The following MOV10 variants were observed in gnomAD, a reference collection of about 807,000 sequenced individuals.
MOV10 encodes Mov10 RNA helicase.
Under a neutral mutation model 108.4 loss-of-function variants are expected in MOV10, and 39 were observed. The observed-to-expected ratio is 0.36, with a 90% CI of 0.28 to 0.47. MOV10 has a LOEUF of 0.47. Among genes scored for constraint, MOV10 ranks in the 20% least tolerant of loss-of-function variants. The pLI, the probability that MOV10 is intolerant of heterozygous loss-of-function variation, is 1.00. For synonymous variants in MOV10, 490 were observed against 523.1 expected, an observed-to-expected ratio of 0.94 and a Z score of 0.86; for missense variants, 952 against 1,297.6, an observed-to-expected ratio of 0.73 and a Z score of 4.09.
chr1:112,692,288 A>G lies in MOV10; in HGVS notation c.972-473A>G, dbSNP rs143578103. Among the ~76,000 whole-genome samples, 334 of 152,322 alleles carry G rather than the reference A, an allele frequency of 2.2e-3. 2 individuals carry two copies. Among genetic ancestry groups the G allele is most frequent in the African/African-American group, 7.0e-3 (291 of 41,574 alleles). ...TTGAGGACACAGTGAGTGAGCCCAGATCATGCCACTGCACTCCAGCATGGG... is the reference window on the plus strand; with the variant it reads ...TTGAGGACACAGTGAGTGAGCCCAGGTCATGCCACTGCACTCCAGCATGGG... On this transcript the variant is annotated intron_variant, in intron 6 of 20. Coordinates refer to ENST00000369645, the MANE Select transcript of MOV10 (RefSeq NM_001321324.2).
chr1:112,675,083 G>C lies in MOV10; in HGVS notation c.137+34G>C. 3 of 1,570,862 alleles carry C rather than the reference G, an allele frequency of 1.9e-6. No individual in the cohort carries two copies. The highest frequency in any genetic ancestry group is 1.4e-5 in the African/African-American group (1 of 71,140). ...CGGCCCACTCCCGGCCCCGAATCGC[G>C]GGCCCAGCTTGCTGCCACGACCCCC... On this transcript the variant is annotated intron_variant, in intron 2 of 20. Transcript: ENST00000369645. This position sits in a 1 kb window ranked among gnomAD's most constrained non-coding sequence, Gnocchi z 4.7.
rs555538455 is a variant in MOV10 at position 112,689,985 on chromosome 1, C to G, written c.723C>G (p.Val241=). The change falls in exon 5 of 21, where the codon GTC becomes GTG. Residue 241 remains valine, a synonymous_variant. Coordinates refer to ENST00000369645, the MANE Select transcript of MOV10 (RefSeq NM_001321324.2). ...TFYIARFLAA[V]AHSPLAAQLK... ...ACATTGCCCGCTTCTTGGCTGCCGT[C>G]GCCCACAGCCCCCTGGCTGCACAGC... The G allele has an allele frequency of 1.2e-6, 2 of 1,614,130 alleles. No individual in the cohort carries two copies. Among genetic ancestry groups the G allele is most frequent in the Non-Finnish European group, 1.7e-6 (2 of 1,180,048 alleles).
At chr1:112,693,687 T>TA (rs57738248) in intron 7 of MOV10, 6,055 of 137,406 alleles carry the variant, frequency 0.044, 618 homozygotes, top group African/African-American at 0.13. Flanking sequence ...TTTTTTTTTT[T>TA]AATTATTTTT....
At chr1:112,685,461 C>T (rs913018540) in intron 2 of MOV10, among the ~76,000 whole-genome samples, 31 of 151,798 alleles carry the variant, frequency 2.0e-4, no homozygotes, top group African/African-American at 3.6e-4. Context: ...TTGAGACCAT[C>T]CTGGCTAACA....
At position 112,694,733 on chromosome 1, in the gene MOV10, CTG is replaced by C. The variant is rs766044537; in HGVS notation, c.1473-15_1473-14del. On this transcript the variant is annotated splice_polypyrimidine_tract_variant and intron_variant, in intron 9 of 20. Transcript: ENST00000369645. The surrounding 1 kb of genome is among the most constrained non-coding windows in gnomAD (Gnocchi z 4.1). ...ACTGGATGACTTCAAGTTCACATTC[CTG>C]GTCCCTCTGCCAGGCTGTACGACCG... 6.8e-6 allele frequency: 11 copies of C among 1,612,920 alleles called. No individual in the cohort carries two copies. In the South Asian group the frequency reaches 1.1e-4, roughly 16 times the overall value.
chr1:112,679,204 C>T (rs1305890278), intron 2 of MOV10, among the ~76,000 whole-genome samples: 2 of 152,014 alleles, frequency 1.3e-5, no homozygotes, highest in Non-Finnish European at 1.5e-5. Context: ...ACAGCAGGGG[C>T]GGCCTAAGGC....
In MOV10 at chr1:112,679,014, A is replaced by T. The variant is rs184863083; in HGVS notation, c.137+3965A>T. Among the ~76,000 whole-genome samples, 236 of 152,182 alleles carry T rather than the reference A, an allele frequency of 1.6e-3. 2 individuals carry two copies. Among genetic ancestry groups the T allele is most frequent in the Non-Finnish European group, 1.5e-3 (104 of 68,018 alleles). On this transcript the variant is annotated intron_variant, in intron 2 of 20. Transcript: ENST00000369645. ...TTTTATTCTATTTTATTTCAATTTT[A>T]TAAAAACCCTGGCTTTGACCCGCTA...
intron 14 of MOV10, 88 bp from the exon 15 acceptor site, chr1:112,697,906 G>T: frequency 1.9e-6 from 2 of 1,067,696 alleles, no homozygotes; most frequent in Non-Finnish European, 2.9e-6. Flanking sequence ...AGGCTATTGT[G>T]TGTGGGCCCA....
Position 112,694,602 on chromosome 1 carries a change from C to T in MOV10, c.1445C>T (p.Pro482Leu), listed in dbSNP as rs751402225. ...TTTCCTGTGGCACCTCGGGACGTCC[C>T]GCTGCTGCCCTCAGATGTGAAACTC... ...MLFPVAPRDVPLLPSDVKLKL... is the reference protein window; with the variant it reads ...MLFPVAPRDVLLLPSDVKLKL... The change falls in exon 9 of 21, where the codon CCG (proline) becomes CTG (leucine). Residue 482 changes from proline (P) to leucine (L), a missense_variant. This residue lies in a region of MOV10 where 453 missense variants were observed against 611.5 expected (regional missense o/e 0.74). Transcript: ENST00000369645. This position sits in a 1 kb window ranked among gnomAD's most constrained non-coding sequence, Gnocchi z 4.1. The T allele has an allele frequency of 1.4e-5, 23 of 1,608,392 alleles. No individual in the cohort carries two copies. Among genetic ancestry groups the T allele is most frequent in the African/African-American group, 4.0e-5 (3 of 74,866 alleles).
intron 2 of MOV10, among the ~76,000 whole-genome samples, chr1:112,677,623 A>G (rs1672297544): frequency 6.6e-6 from 1 of 152,136 alleles, no homozygotes; most frequent in African/African-American, 2.4e-5. Context: ...CTAGCCACGC[A>G]AATGCTAGAT....
intron 6 of MOV10, among the ~76,000 whole-genome samples, chr1:112,692,101 A>G (rs927180395): frequency 6.6e-6 from 1 of 152,174 alleles, no homozygotes; most frequent in Admixed American, 6.5e-5. Context: ...AGGCCGAGGC[A>G]GGTGGATCAT....
chr1:112,700,670 T>C lies in MOV10; in HGVS notation c.*163T>C, dbSNP rs1674571244. 1 of 1,533,100 alleles carries C rather than the reference T, an allele frequency of 6.5e-7. No individual in the cohort carries two copies. The highest frequency in any genetic ancestry group is 1.4e-5 in the African/African-American group (1 of 72,328). 95.0% of individuals were successfully genotyped at this position (1,533,100 alleles called of 1,614,324 possible). A position where few individuals can be genotyped will look rare whatever the true frequency, so the allele number is the denominator to read the frequency against. On this transcript the variant is annotated 3_prime_UTR_variant, in exon 21 of 21. Coordinates refer to ENST00000369645, the MANE Select transcript of MOV10 (RefSeq NM_001321324.2). ...CTCCCCTGCTGGGGAGAATGACACA[T>C]CAAGCTGCTAACAATTGGGGGAAGG...
At chr1:112,684,023 T>C (rs1164834057) in intron 2 of MOV10, among the ~76,000 whole-genome samples, 1 of 152,070 alleles carries the variant, frequency 6.6e-6, no homozygotes, top group Non-Finnish European at 1.5e-5. Context: ...CAATCATAGC[T>C]CTCTGTAACC....
At chr1:112,696,078 C>A in intron 11 of MOV10, 70 bp from the exon 12 acceptor site, 1 of 1,032,588 alleles carries the variant, frequency 9.7e-7, no homozygotes, top group Non-Finnish European at 1.5e-6. Context: ...AGGGGGGGTA[C>A]CCACAGCCAG....
chr1:112,698,518 C>A, intron 16 of MOV10, 40 bp downstream of exon 16: 1 of 1,588,616 alleles, frequency 6.3e-7, no homozygotes, highest in South Asian at 1.1e-5. Flanking sequence ...GGCCCCTCCC[C>A]CAGATGGTAC....
chr1:112,689,814 C>A, intron 4 of MOV10, 26 bp from the exon 5 acceptor site: 2 of 1,609,252 alleles, frequency 1.2e-6, no homozygotes, highest in South Asian at 2.2e-5. Context: ...GTCCCTACCC[C>A]CATTCACTCA....
rs1447938629 is a variant in MOV10, at chr1:112,699,828, G to C, written c.2709+18G>C. 1 of 1,614,110 alleles carries C rather than the reference G, an allele frequency of 6.2e-7. No homozygotes were observed. On this transcript the variant is annotated intron_variant, in intron 18 of 20. Transcript: ENST00000369645. ...ACCCCAAGGTTTGAGGGCTGGTCGGGGTGGCAGGAATTCTTCCATTCTCGG... is the reference window on the plus strand; with the variant it reads ...ACCCCAAGGTTTGAGGGCTGGTCGGCGTGGCAGGAATTCTTCCATTCTCGG...
At position 112,698,096 on chromosome 1, in the gene MOV10, G is replaced by A. The variant is rs563291816; in HGVS notation, c.2301G>A (p.Ala767=). The part of the protein sequence containing the change: ...VVDRERFCRW[A]GLPRQGFPII... ...ATCGAGAACGCTTCTGCCGCTGGGC[G>A]GGCCTACCTCGACAGGTGAGGCTGA... is the stretch of plus-strand genomic sequence containing the variant. Residue 767 remains alanine, a synonymous_variant, in exon 15 of 21, where the codon GCG becomes GCA. Coordinates refer to ENST00000369645, the MANE Select transcript of MOV10 (RefSeq NM_001321324.2). The A allele has an allele frequency of 1.2e-5, 19 of 1,614,064 alleles. No individual in the cohort carries two copies. The highest frequency in any genetic ancestry group is 4.0e-5 in the African/African-American group (3 of 75,066).
chr1:112,699,915 C>A lies in MOV10; in HGVS notation c.2731C>A (p.Arg911=). 1 of 1,614,156 alleles carries A rather than the reference C, an allele frequency of 6.2e-7. No homozygotes were observed. The highest frequency in any genetic ancestry group is 8.5e-7 in the Non-Finnish European group (1 of 1,180,022). ...NPKRFNVAVT[R]AKALLIIVGN... Reference sequence around the variant, plus strand: ...CCAGAGGTTCAATGTAGCTGTGACCCGGGCCAAGGCCCTGCTCATCATCGT... The same window carrying A: ...CCAGAGGTTCAATGTAGCTGTGACCAGGGCCAAGGCCCTGCTCATCATCGT... Residue 911 remains arginine, a synonymous_variant, in exon 19 of 21, where the codon CGG becomes AGG. Coordinates refer to ENST00000369645, the MANE Select transcript of MOV10 (RefSeq NM_001321324.2).
Sources: allele counts gnomAD v4.1 joint callset (sites outside exome capture counted in the v4.1 genomes callset), GRCh38; gene constraint gnomAD v4.1.1; regional missense constraint gnomAD v4.1.1; non-coding constraint Gnocchi (gnomAD v3.1); transcripts MANE v1.5; gene names NCBI Gene and HGNC (gene_info 2026-07-23, HGNC 2026-07-21).